Variants in TTC23L observed in about 807,000 individuals in gnomAD.
TTC23L encodes tetratricopeptide repeat domain 23 like.
Under a neutral mutation model 48.1 loss-of-function variants are expected in TTC23L, and 42 were observed. The ratio of observed to expected loss-of-function variants is 0.87; its 90% CI spans 0.68 to 1.13. The LOEUF (loss-of-function observed/expected upper bound fraction) is 1.13. Ranked by LOEUF, TTC23L falls within the 50% of genes most tolerant of loss-of-function variation. The pLI is 0.00. For missense variants in TTC23L, 391 were observed against 421.0 expected (o/e 0.93, Z 0.62); for synonymous variants, 159 against 157.2 (o/e 1.01, Z -0.09).
intron 1 of TTC23L, among the ~76,000 whole-genome samples, chr5:34,840,310 T>A (rs59582695): frequency 0.015 from 2,219 of 151,432 alleles, 52 homozygotes; most frequent in African/African-American, 0.052. Context: ...TTGGTTGCTT[T>A]GCTTAAATCC....
At chr5:34,872,879 A>G (rs1046998221) in intron 8 of TTC23L, among the ~76,000 whole-genome samples, 2 of 152,162 alleles carry the variant, frequency 1.3e-5, no homozygotes, top group East Asian at 1.9e-4. Flanking sequence ...CCTGGCCAAC[A>G]TGGTGAAACC....
chr5:34,924,156 G>A, the TTC23L span, among the ~76,000 whole-genome samples: 2 of 152,228 alleles, frequency 1.3e-5, no homozygotes, highest in African/African-American at 4.8e-5. Flanking sequence ...AAGAGGAGGT[G>A]ACTCTAGAAA....
intron 9 of TTC23L, among the ~76,000 whole-genome samples, chr5:34,892,189 C>T (rs1187498010): frequency 2.0e-5 from 3 of 152,184 alleles, no homozygotes; most frequent in Non-Finnish European, 2.9e-5. Flanking sequence ...GCTAGTTTTC[C>T]GATGTACTCT....
At chr5:34,847,847 T>A (rs1367800784) in intron 3 of TTC23L, among the ~76,000 whole-genome samples, 1 of 152,162 alleles carries the variant, frequency 6.6e-6, no homozygotes, top group African/African-American at 2.4e-5. Flanking sequence ...AGGTAAAACA[T>A]GAAGTTGGGT....
intron 9 of TTC23L, 58 bp downstream of exon 9, chr5:34,880,366 A>G: frequency 6.6e-7 from 1 of 1,513,416 alleles, no homozygotes; most frequent in East Asian, 2.3e-5. Context: ...TCACAATAGC[A>G]TTTTTCATCT....
Position 34,896,741 on chromosome 5 carries a change from G to A in TTC23L, c.1078-29G>A, listed in dbSNP as rs1053312492. On this transcript the variant is annotated intron_variant, in intron 9 of 10. Coordinates refer to ENST00000505624, the Ensembl canonical transcript of TTC23L. ...TGAGAATTGGAAAACACTTCATAGA[G>A]AGGGTGACATTTGAGCCATTTCTTA... 3.9e-6 allele frequency: 3 copies of A among 768,868 alleles called. No homozygotes were observed. In the South Asian group the frequency reaches 4.2e-5, roughly 11 times the overall value. 47.6% of individuals were successfully genotyped at this position (768,868 alleles called of 1,614,324 possible). A position where few individuals can be genotyped will look rare whatever the true frequency, so the allele number is the denominator to read the frequency against.
chr5:34,920,043 CA>C, the TTC23L span: 3 of 461,222 alleles, frequency 6.5e-6, no homozygotes, highest in Non-Finnish European at 1.2e-5. Context: ...TTTTATCTCT[CA>C]CAGTTTAGTG....
At chr5:34,856,204 C>T (rs948030308) in intron 4 of TTC23L, among the ~76,000 whole-genome samples, 4 of 152,152 alleles carry the variant, frequency 2.6e-5, no homozygotes, top group African/African-American at 9.7e-5. Context: ...AATAGAGAAT[C>T]CACAAGTTGA....
At chr5:34,887,545 A>T (rs184711392) in intron 9 of TTC23L, among the ~76,000 whole-genome samples, 1 of 152,354 alleles carries the variant, frequency 6.6e-6, no homozygotes, top group Admixed American at 6.5e-5. Flanking sequence ...AGCAAAAAAC[A>T]AATTCCTGAG....
chr5:34,873,856 G>A (rs572314641), intron 8 of TTC23L, among the ~76,000 whole-genome samples: 1 of 152,206 alleles, frequency 6.6e-6, no homozygotes, highest in South Asian at 2.1e-4. Context: ...TGACAGGATG[G>A]GCGACGTATA....
At chr5:34,915,590 T>G in the TTC23L span, 1 of 1,026,812 alleles carries the variant, frequency 9.7e-7, no homozygotes, top group South Asian at 1.8e-5. Flanking sequence ...GAGCCGCGCG[T>G]GCCGCGCCAC....
At chr5:34,907,516 T>C in the TTC23L span, 6 of 152,340 alleles carry the variant, frequency 3.9e-5, no homozygotes, top group East Asian at 7.7e-4. Flanking sequence ...AGGAAGATAA[T>C]TTTTGCATTT....
At chr5:34,882,806 G>A (rs1032365109) in intron 9 of TTC23L, among the ~76,000 whole-genome samples, 11 of 152,300 alleles carry the variant, frequency 7.2e-5, no homozygotes, top group East Asian at 5.8e-4. Context: ...TTGCGAGGCC[G>A]AGGCAGGAGG....
At chr5:34,871,234 T>C (rs1761432524) in intron 8 of TTC23L, among the ~76,000 whole-genome samples, 2 of 152,002 alleles carry the variant, frequency 1.3e-5, no homozygotes, top group African/African-American at 4.8e-5. Context: ...GGATACAAGG[T>C]CAATGCACAA....
chr5:34,919,206 T>G, the TTC23L span, among the ~76,000 whole-genome samples: 177 of 147,444 alleles, frequency 1.2e-3, no homozygotes, highest in African/African-American at 4.3e-3. Context: ...AGCCCAGGAG[T>G]TCAAGGCTGT....
chr5:34,862,138 C>A (rs1029158138), intron 4 of TTC23L, among the ~76,000 whole-genome samples: 2 of 152,054 alleles, frequency 1.3e-5, no homozygotes, highest in Admixed American at 1.3e-4. Flanking sequence ...ATTTTTAAAT[C>A]TTTAAAAAGA....
At chr5:34,880,573 G>A in intron 9 of TTC23L, 1 of 458,150 alleles carries the variant, frequency 2.2e-6, no homozygotes, top group South Asian at 2.1e-5. Flanking sequence ...GTATTTTAGA[G>A]GGACTCGATA....
chr5:34,866,490 C>T (rs912944294), intron 6 of TTC23L, among the ~76,000 whole-genome samples: 3 of 151,768 alleles, frequency 2.0e-5, no homozygotes, highest in Non-Finnish European at 4.4e-5. Context: ...AGGAGGAATT[C>T]GCCAAATTAA....
Position 34,845,619 on chromosome 5 carries a change from A to G in TTC23L, c.201A>G (p.Lys67=), listed in dbSNP as rs1759046020. Residue 67 remains lysine (K), a synonymous_variant, in exon 3 of 11, where the codon AAA becomes AAG. Coordinates refer to ENST00000505624, the Ensembl canonical transcript of TTC23L. ...CCATAGACTGTATGTCTCATCCCAA[A>G]GAGAAATTAGCCCAATCCCAGAAGA... 1.9e-6 allele frequency: 3 copies of G among 1,613,838 alleles called. No homozygotes were observed. The Admixed American group carries it at 5.0e-5, about 27-fold the overall frequency.
Sources: allele counts gnomAD v4.1 joint callset (sites outside exome capture counted in the v4.1 genomes callset), GRCh38; gene constraint gnomAD v4.1.1; transcripts MANE v1.5; gene names NCBI Gene and HGNC (gene_info 2026-07-23, HGNC 2026-07-21).